SLFN13: variants seen among roughly 807,000 people sequenced by gnomAD.
SLFN13 encodes schlafen family member 13, also known as schlafen-13.
A neutral mutation model predicts 50.6 loss-of-function variants in SLFN13; 43 were observed. The observed-to-expected ratio is 0.85, with a 90% CI of 0.67 to 1.09. SLFN13 has a LOEUF of 1.09. Among genes scored for constraint, SLFN13 ranks in the 50% least tolerant of loss-of-function variants. The pLI is 0.00. For synonymous variants in SLFN13, 339 were observed against 386.5 expected (o/e 0.88, Z 1.44); for missense variants, 881 against 1,071.1 (o/e 0.82, Z 2.48).
rs75812929 is a variant in SLFN13 at position 35,441,315 on chromosome 17, T to G, written c.1974A>C (p.Lys658Asn). Residue 658 changes from lysine to asparagine, a missense_variant, in exon 6 of 6, where the codon AAA becomes AAC. Coordinates refer to ENST00000285013, the MANE Select transcript of SLFN13 (RefSeq NM_144682.6). ...AETRETFLRE[K>N]FEHIQHIVID... ...TGACGATGTGTTGAATGTGTTCAAA[T>G]TTTTCTCTTAGGAAAGTTTCCCGGG... The G allele has an allele frequency of 0.072, 115,561 of 1,611,196 alleles. 7,942 individuals carry two copies. Among genetic ancestry groups the G allele is most frequent in the East Asian group, 0.37 (16,366 of 44,838 alleles).
rs1168886087 is a variant in SLFN13 at position 35,445,143 on chromosome 17, A to G, written c.538T>C (p.Tyr180His). ...GGATTTGACTCAGATATGTTCTGGTATACAGCTTTCATAATTTTACTAGGT... is the reference window on the plus strand; with the variant it reads ...GGATTTGACTCAGATATGTTCTGGTGTACAGCTTTCATAATTTTACTAGGT... Reference protein sequence around the residue: ...SPPSKIMKAVYQNISESNPAY... With the variant: ...SPPSKIMKAVHQNISESNPAY... Residue 180 changes from tyrosine (Y) to histidine (H), a missense_variant, in exon 3 of 6, where the codon TAC (tyrosine) becomes CAC (histidine). By Grantham distance (83) the Tyr-to-His change is moderately conservative. Around this residue, in one of 5 missense-constraint regions of SLFN13, gnomAD observed 497 missense variants for 518.3 expected, o/e 0.96. Transcript: ENST00000285013. The G allele has an allele frequency of 1.1e-5, 18 of 1,613,140 alleles. No individual in the cohort carries two copies. Among genetic ancestry groups the G allele is most frequent in the East Asian group, 2.2e-5 (1 of 44,894 alleles).
In SLFN13 at chr17:35,444,976, A is replaced by G. The variant is rs766932937; in HGVS notation, c.705T>C (p.Ser235=). 2 of 1,614,188 alleles carry G rather than the reference A, an allele frequency of 1.2e-6. No homozygotes were observed. The highest frequency in any genetic ancestry group is 1.7e-6 in the Non-Finnish European group (2 of 1,180,032). The change falls in exon 3 of 6, where the codon TCT becomes TCC. Residue 235 remains serine (S), a synonymous_variant. Transcript: ENST00000285013. The part of the protein sequence containing the change: ...YVENIIPEYI[S]AFANTEGGYL... Reference sequence around the variant, plus strand: ...AGCCTCCCTCAGTGTTTGCAAATGCAGAGATGTACTCTGGAATTATATTTT... The same window carrying G: ...AGCCTCCCTCAGTGTTTGCAAATGCGGAGATGTACTCTGGAATTATATTTT...
intron 2 of SLFN13, 109 bp downstream of exon 2, chr17:35,447,159 T>C (rs1227585858): frequency 6.6e-6 from 1 of 152,168 alleles, no homozygotes; most frequent in Non-Finnish European, 1.5e-5. Context: ...ACTTGCAGAT[T>C]CTTTGTAAGG....
chr17:35,443,920 T>G lies in SLFN13; in HGVS notation c.1067A>C (p.Glu356Ala). 1 of 1,612,324 alleles carries G rather than the reference T, an allele frequency of 6.2e-7. No individual in the cohort carries two copies. The highest frequency in any genetic ancestry group is 1.1e-5 in the South Asian group (1 of 90,912). The change falls in exon 4 of 6, where the codon GAG becomes GCG. Residue 356 changes from glutamate to alanine, a missense_variant and splice_region_variant. By Grantham distance (107) the Glu-to-Ala change is moderately radical. Transcript: ENST00000285013. ...WVEKMMDADP[E>A]FPPDFAEAFE... ...GGCCTCAGCAAAGTCTGGAGGAAAC[T>G]CTGAAAGAAAGAACATTTTAATTTA...
intron 2 of SLFN13, among the ~76,000 whole-genome samples, chr17:35,446,483 T>G (rs753263738): frequency 6.6e-6 from 1 of 152,232 alleles, no homozygotes; most frequent in African/African-American, 2.4e-5. Context: ...CATTTAGTAC[T>G]GTTATATTAG....
rs1302032901 is a variant in SLFN13, at chr17:35,438,364, G to A, written c.*2231C>T. On this transcript the variant is annotated 3_prime_UTR_variant, in exon 6 of 6. Coordinates refer to ENST00000285013, the MANE Select transcript of SLFN13 (RefSeq NM_144682.6). ...AAGAAAGCATCAGTAATCCTCTTTG[G>A]GCTGAACAAAAATTCATAAATATTT... 1.3e-5 allele frequency: 2 copies of A among 151,580 alleles called. No homozygotes were observed. The highest frequency in any genetic ancestry group is 2.9e-5 in the Non-Finnish European group (2 of 67,948). The allele number at this position is 151,580 out of a possible 1,614,324, so 9.4% of individuals were successfully genotyped here.
intron 1 of SLFN13, among the ~76,000 whole-genome samples, chr17:35,447,682 G>T (rs575186118): frequency 6.6e-6 from 1 of 152,246 alleles, no homozygotes; most frequent in East Asian, 1.9e-4. Context: ...AGAAACAGAA[G>T]GAAACAGCTG....
In SLFN13 at chr17:35,439,425, G is replaced by A. The variant is rs1056296872; in HGVS notation, c.*1170C>T. The A allele has an allele frequency of 6.6e-6, 1 of 152,116 alleles. No individual in the cohort carries two copies. Among genetic ancestry groups the A allele is most frequent in the Admixed American group, 6.5e-5 (1 of 15,276 alleles). 9.4% of individuals were successfully genotyped at this position (152,116 alleles called of 1,614,324 possible). ...TTAAGTAGTTATGCTATAGAGTAAT[G>A]CATACAGCTACGCTGAGATGTTACA... On this transcript the variant is annotated 3_prime_UTR_variant, in exon 6 of 6. Coordinates refer to ENST00000285013, the MANE Select transcript of SLFN13 (RefSeq NM_144682.6).
intron 2 of SLFN13, 170 bp from the exon 3 acceptor site, chr17:35,445,863 C>T (rs1913190504): frequency 5.2e-6 from 3 of 574,726 alleles, no homozygotes; most frequent in African/African-American, 1.9e-5. Flanking sequence ...GGGAAGGGAA[C>T]TAATGAAATT....
Position 35,444,500 on chromosome 17 carries a change from T to G in SLFN13, c.1066+115A>C, listed in dbSNP as rs554358284. The G allele has an allele frequency of 1.9e-5, 18 of 940,172 alleles. No individual in the cohort carries two copies. The East Asian group carries it at 3.2e-4, about 17-fold the overall frequency. The allele number at this position is 940,172 out of a possible 1,614,324, so 58.2% of individuals were successfully genotyped here. A position where few individuals can be genotyped will look rare whatever the true frequency, so the allele number is the denominator to read the frequency against. On this transcript the variant is annotated intron_variant, in intron 3 of 5. Coordinates refer to ENST00000285013, the MANE Select transcript of SLFN13 (RefSeq NM_144682.6). ...TCCCATCTATGAAAAGCATGGAGAT[T>G]TAGAGAAAGTAAATTTCAGTGGGTG...
At chr17:35,449,543 G>C (rs575768572), upstream of SLFN13, among the ~76,000 whole-genome samples, 1 of 152,314 alleles carries the variant, frequency 6.6e-6, no homozygotes, top group South Asian at 2.1e-4. Context: ...TGCGACGGAT[G>C]CTCGGATCGG....
In SLFN13 at chr17:35,435,385, C is replaced by T. The variant is rs1912621560; in HGVS notation, c.*5210G>A. ...GCTCCAGTGATCCTCTCACCTCAGC[C>T]TCCCAGTAGCTGGGACTACAGGCAC... is the stretch of plus-strand genomic sequence containing the variant. On this transcript the variant is annotated 3_prime_UTR_variant, in exon 6 of 6. Coordinates refer to ENST00000285013, the MANE Select transcript of SLFN13 (RefSeq NM_144682.6). The T allele has an allele frequency of 1.3e-5, 2 of 152,188 alleles. No homozygotes were observed. Among genetic ancestry groups the T allele is most frequent in the South Asian group, 4.1e-4 (2 of 4,822 alleles). The allele number at this position is 152,188 out of a possible 1,614,324, so 9.4% of individuals were successfully genotyped here.
At position 35,441,544 on chromosome 17, in the gene SLFN13, G is replaced by A. The variant is rs768411017; in HGVS notation, c.1922+19C>T. 8.7e-6 allele frequency: 14 copies of A among 1,611,294 alleles called. No individual in the cohort carries two copies. The highest frequency in any genetic ancestry group is 4.1e-5 in the African/African-American group (3 of 73,632). ...CCCAGATTAAATAAAACTTAAAGAC[G>A]TAAGATCCAACTGCTTACCTGATAA... On this transcript the variant is annotated intron_variant, in intron 5 of 5. Coordinates refer to ENST00000285013, the MANE Select transcript of SLFN13 (RefSeq NM_144682.6).
At position 35,435,674 on chromosome 17, in the gene SLFN13, G is replaced by A. The variant is rs1047457467; in HGVS notation, c.*4921C>T. On this transcript the variant is annotated 3_prime_UTR_variant, in exon 6 of 6. Coordinates refer to ENST00000285013, the MANE Select transcript of SLFN13 (RefSeq NM_144682.6). Reference sequence around the variant, plus strand: ...CTGAGAGTCCTTATTATGAATGGATGTTGAACTTTATCAAAAGCTTTTTCC... The same window carrying A: ...CTGAGAGTCCTTATTATGAATGGATATTGAACTTTATCAAAAGCTTTTTCC... The A allele has an allele frequency of 2.6e-5, 4 of 152,078 alleles. No individual in the cohort carries two copies. The highest frequency in any genetic ancestry group is 1.9e-4 in the East Asian group (1 of 5,196). The allele number at this position is 152,078 out of a possible 1,614,324, so 9.4% of individuals were successfully genotyped here. A position where few individuals can be genotyped will look rare whatever the true frequency, so the allele number is the denominator to read the frequency against.
chr17:35,448,676 A>C (rs1370595417), intron 1 of SLFN13, 46 bp downstream of exon 1: 1 of 152,346 alleles, frequency 6.6e-6, no homozygotes, highest in Non-Finnish European at 1.5e-5. Context: ...GCGTGGGTAC[A>C]AACGGGAGCT....
intron 2 of SLFN13, chr17:35,445,928 G>A (rs965101033): frequency 4.9e-5 from 20 of 405,644 alleles, no homozygotes; most frequent in African/African-American, 3.9e-4. Context: ...CATTGAATAG[G>A]GTATCTGAAC....
intron 4 of SLFN13, 31 bp from the exon 5 acceptor site, chr17:35,442,317 C>A: frequency 6.5e-7 from 1 of 1,531,414 alleles, no homozygotes; most frequent in Middle Eastern, 1.8e-4. Flanking sequence ...AAGATGTTTT[C>A]ACTGTGTTTA....
chr17:35,440,553 T>A lies in SLFN13; in HGVS notation c.*42A>T, dbSNP rs766793911. The A allele has an allele frequency of 6.2e-7, 1 of 1,602,898 alleles. No homozygotes were observed. Among genetic ancestry groups the A allele is most frequent in the Non-Finnish European group, 8.5e-7 (1 of 1,172,120 alleles). On this transcript the variant is annotated 3_prime_UTR_variant, in exon 6 of 6. Coordinates refer to ENST00000285013, the MANE Select transcript of SLFN13 (RefSeq NM_144682.6). Reference sequence around the variant, plus strand: ...ATCAGCAGACTGTCACCCATAGACATTTACACAGTATTTTGGTTTGGAGTT... The same window carrying A: ...ATCAGCAGACTGTCACCCATAGACAATTACACAGTATTTTGGTTTGGAGTT...
rs770277940 is a variant in SLFN13 at position 35,440,729 on chromosome 17, C to G, written c.2560G>C (p.Val854Leu). Residue 854 changes from valine to leucine, a missense_variant, in exon 6 of 6, where the codon GTC becomes CTC. Around this residue, in one of 5 missense-constraint regions of SLFN13, gnomAD observed 322 missense variants for 327.4 expected, o/e 0.98. Coordinates refer to ENST00000285013, the MANE Select transcript of SLFN13 (RefSeq NM_144682.6). ...MLGVHIVLDSVRRFSGLERSI... is the reference protein window; with the variant it reads ...MLGVHIVLDSLRRFSGLERSI... ...CTTTCCAGGCCTGAGAATCGCCGGA[C>G]ACTGTCCAACACAATGTGCACACCC... 1.2e-6 allele frequency: 2 copies of G among 1,614,126 alleles called. No individual in the cohort carries two copies. The highest frequency in any genetic ancestry group is 1.1e-5 in the South Asian group (1 of 91,084).
Sources: allele counts gnomAD v4.1 joint callset (sites outside exome capture counted in the v4.1 genomes callset), GRCh38; gene constraint gnomAD v4.1.1; regional missense constraint gnomAD v4.1.1; transcripts MANE v1.5; gene names NCBI Gene and HGNC (gene_info 2026-07-23, HGNC 2026-07-21).